The following ANXA2 variants were observed in gnomAD, a reference collection of about 807,000 sequenced individuals.
ANXA2 encodes annexin II.
Under a neutral mutation model 47.3 loss-of-function variants are expected in ANXA2, and 28 were observed. The observed-to-expected ratio is 0.59, with a 90% CI of 0.44 to 0.81. ANXA2 has a LOEUF of 0.81. ANXA2 is among the 40% of genes least tolerant of loss of function. ANXA2 has a pLI of 0.00. For synonymous variants in ANXA2, 172 were observed against 155.5 expected (o/e 1.11, Z -0.79); for missense variants, 384 against 414.3 (o/e 0.93, Z 0.64).
intron 4 of ANXA2, among the ~76,000 whole-genome samples, chr15:60,364,154 G>A (rs182130913): frequency 6.3e-4 from 96 of 152,264 alleles, no homozygotes; most frequent in Middle Eastern, 3.4e-3. Context: ...TCACAGAAGC[G>A]CGAACCCTAC....
In ANXA2 at chr15:60,357,244, C is replaced by G; in HGVS notation, c.358-8G>C. The stretch of plus-strand genomic sequence containing the variant: ...CTCGTCGGTTCCCAGCCCCTGTGAA[C>G]CAGGAAGCACGAACATCAGCAGGGA... On this transcript the variant is annotated splice_region_variant and splice_polypyrimidine_tract_variant and intron_variant, in intron 5 of 12. Coordinates refer to ENST00000451270, the MANE Select transcript of ANXA2 (RefSeq NM_004039.3). The G allele has an allele frequency of 6.2e-7, 1 of 1,613,006 alleles. No homozygotes were observed. Among genetic ancestry groups the G allele is most frequent in the Non-Finnish European group, 8.5e-7 (1 of 1,179,060 alleles).
intron 3 of ANXA2, among the ~76,000 whole-genome samples, chr15:60,371,026 T>G (rs1233604662): frequency 1.3e-5 from 2 of 152,110 alleles, no homozygotes; most frequent in African/African-American, 4.8e-5. Context: ...CCAGGCAGAT[T>G]TTTTACAATT....
At chr15:60,377,812 G>C (rs1462484051) in intron 3 of ANXA2, among the ~76,000 whole-genome samples, 1 of 151,908 alleles carries the variant, frequency 6.6e-6, no homozygotes, top group African/African-American at 2.4e-5. Context: ...CATAGGCCAG[G>C]CCTATGATTT....
chr15:60,367,135 C>T (rs1465349188), intron 3 of ANXA2, among the ~76,000 whole-genome samples: 2 of 74,632 alleles, frequency 2.7e-5, no homozygotes, highest in Non-Finnish European at 5.3e-5. Flanking sequence ...GTCAGCCCCC[C>T]GCCCGGCCAG....
chr15:60,356,473 T>C (rs189987441), intron 6 of ANXA2, among the ~76,000 whole-genome samples: 2 of 152,206 alleles, frequency 1.3e-5, no homozygotes, highest in African/African-American at 2.4e-5. Flanking sequence ...AGCATCTATA[T>C]TGAAATACAG....
At chr15:60,357,448 T>C (rs142754363) in intron 5 of ANXA2, among the ~76,000 whole-genome samples, 68 of 152,286 alleles carry the variant, frequency 4.5e-4, no homozygotes, top group African/African-American at 1.6e-3. Flanking sequence ...GAGCACAAGA[T>C]GGTGGAACTG....
intron 2 of ANXA2, among the ~76,000 whole-genome samples, chr15:60,385,092 A>G (rs2062914386): frequency 1.3e-5 from 2 of 152,252 alleles, no homozygotes; most frequent in Non-Finnish European, 2.9e-5. Flanking sequence ...CAAATGCAAC[A>G]GAATTTCTAG....
intron 5 of ANXA2, among the ~76,000 whole-genome samples, chr15:60,360,021 C>A (rs2062490000): frequency 6.6e-6 from 1 of 152,204 alleles, no homozygotes; most frequent in African/African-American, 2.4e-5. Context: ...CTTTGGGAGG[C>A]CAAGGTGGGC....
rs2063045379 is a variant in ANXA2, at chr15:60,393,767, T to G, written c.-12+4176A>C. The G allele has an allele frequency of 2.1e-4, 186 of 865,330 alleles. 3 individuals carry two copies. In the South Asian group the frequency reaches 8.7e-3, roughly 41 times the overall value. 53.6% of individuals were successfully genotyped at this position (865,330 alleles called of 1,614,324 possible). On this transcript the variant is annotated intron_variant, in intron 1 of 12. Coordinates refer to ENST00000451270, the MANE Select transcript of ANXA2 (RefSeq NM_004039.3). ...ACATTAGAGTTACATGTGTAAAGTC[T>G]GTCTTCCGTATTATCCGCCCACAGG... is the stretch of plus-strand genomic sequence containing the variant.
intron 2 of ANXA2, chr15:60,384,366 G>A (rs1442186093): frequency 6.6e-6 from 1 of 152,176 alleles, no homozygotes; most frequent in Non-Finnish European, 1.5e-5. Flanking sequence ...AGTGTCTCTG[G>A]AAATGAAATT....
In ANXA2 at chr15:60,381,834, T is replaced by C. The variant is rs1057171911; in HGVS notation, c.148+508A>G. 2.6e-5 allele frequency among the ~76,000 whole-genome samples: 4 copies of C among 152,078 alleles called. No homozygotes were observed. In the East Asian group the frequency reaches 5.8e-4, roughly 22 times the overall value. On this transcript the variant is annotated intron_variant, in intron 3 of 12. Transcript: ENST00000451270. The stretch of plus-strand genomic sequence containing the variant: ...AACAAAAAATGCCCTTAGGGACCAC[T>C]ATGACCAACTTCTTCCTTGCAGAAG...
At chr15:60,382,752 T>C (rs1302053250) in intron 2 of ANXA2, 1 of 219,560 alleles carries the variant, frequency 4.6e-6, no homozygotes, top group African/African-American at 2.3e-5. Flanking sequence ...TTACTCAGGA[T>C]GGCTCTGAAG....
chr15:60,354,293 T>A, intron 7 of ANXA2, 80 bp from the exon 8 acceptor site: 1 of 1,123,164 alleles, frequency 8.9e-7, no homozygotes, highest in Non-Finnish European at 1.3e-6. Context: ...CCAGTCCATG[T>A]ACGCCATTAT....
chr15:60,381,702 G>T (rs1366316620), intron 3 of ANXA2, among the ~76,000 whole-genome samples: 1 of 151,216 alleles, frequency 6.6e-6, no homozygotes, highest in Non-Finnish European at 1.5e-5. Flanking sequence ...AACTTACCGG[G>T]GTTTAAAAAA....
At chr15:60,382,995 TC>T (rs952437547) in intron 2 of ANXA2, 4 of 153,084 alleles carry the variant, frequency 2.6e-5, no homozygotes, top group Non-Finnish European at 4.4e-5. Flanking sequence ...TCCTTGTGTT[TC>T]CCCCCCTCTC....
At chr15:60,392,864 G>A (rs913370777) in intron 1 of ANXA2, among the ~76,000 whole-genome samples, 22 of 151,606 alleles carry the variant, frequency 1.5e-4, no homozygotes, top group African/African-American at 4.9e-4. Context: ...GGAGTGTGGA[G>A]AGTTGGGTTC....
At chr15:60,390,168 AAAAAC>A (rs2062989324) in intron 1 of ANXA2, 1 of 691,820 alleles carries the variant, frequency 1.4e-6, no homozygotes. Context: ...TGCAGAAAAA[AAAAAC>A]AAAACACAAA....
At chr15:60,391,558 A>G (rs1361679268) in intron 1 of ANXA2, among the ~76,000 whole-genome samples, 1 of 152,160 alleles carries the variant, frequency 6.6e-6, no homozygotes, top group African/African-American at 2.4e-5. Context: ...ATACTGGGGA[A>G]CCTATGAGCC....
chr15:60,394,407 C>T (rs894487191), intron 1 of ANXA2, among the ~76,000 whole-genome samples: 1 of 152,166 alleles, frequency 6.6e-6, no homozygotes. Flanking sequence ...GGATTAAAAG[C>T]TTCAGGGTGG....
Sources: allele counts gnomAD v4.1 joint callset (sites outside exome capture counted in the v4.1 genomes callset), GRCh38; gene constraint gnomAD v4.1.1; transcripts MANE v1.5; gene names NCBI Gene and HGNC (gene_info 2026-07-23, HGNC 2026-07-21).